The following LRRC3B variants were observed in gnomAD, a reference collection of about 807,000 sequenced individuals.
LRRC3B encodes leucine-rich repeat-containing protein 3B.
In LRRC3B, 2 loss-of-function variants were observed where a neutral mutation model predicts 12.8. The ratio of observed to expected loss-of-function variants is 0.16; its 90% CI spans 0.06 to 0.49. LRRC3B has a LOEUF of 0.49. Ranked by LOEUF, LRRC3B falls within the 20% of genes least tolerant of loss-of-function variation. The pLI is 0.96. For missense variants in LRRC3B, 189 were observed against 319.4 expected (o/e 0.59, Z 3.11); for synonymous variants, 132 against 122.0 (o/e 1.08, Z -0.54).
chr3:26,671,697 A>AAAT (rs1203452394), intron 1 of LRRC3B, among the ~76,000 whole-genome samples: 5 of 151,946 alleles, frequency 3.3e-5, no homozygotes, highest in African/African-American at 4.8e-5. Flanking sequence ...CTGGCCATAA[A>AAAT]AATAATTTTA....
At chr3:26,657,907 T>A (rs1188430690) in intron 1 of LRRC3B, among the ~76,000 whole-genome samples, 1 of 152,190 alleles carries the variant, frequency 6.6e-6, no homozygotes, top group Non-Finnish European at 1.5e-5. Flanking sequence ...CTTTTCAAAC[T>A]TTGATAAGTA....
In LRRC3B at chr3:26,657,836, A is replaced by G. The variant is rs945126164; in HGVS notation, c.-161+34599A>G. Among the ~76,000 whole-genome samples the G allele has an allele frequency of 5.3e-5, 8 of 152,108 alleles. No homozygotes were observed. The East Asian group carries it at 1.5e-3, about 29-fold the overall frequency. On this transcript the variant is annotated intron_variant, in intron 1 of 1. Coordinates refer to ENST00000396641, the Ensembl canonical transcript of LRRC3B. The stretch of plus-strand genomic sequence containing the variant: ...CGACGGGCATAGCCTGTTCTTCTAA[A>G]TGTGAAATGAGATGACTCACTCTTA...
chr3:26,677,406 C>G (rs1289817955), intron 1 of LRRC3B, among the ~76,000 whole-genome samples: 1 of 152,182 alleles, frequency 6.6e-6, no homozygotes, highest in African/African-American at 2.4e-5. Flanking sequence ...CAACCCCAGG[C>G]AGGAGGCAGG....
chr3:26,676,295 C>T (rs1336682014), intron 1 of LRRC3B, among the ~76,000 whole-genome samples: 1 of 141,742 alleles, frequency 7.1e-6, no homozygotes, highest in South Asian at 2.2e-4. Context: ...CATGTGTTCT[C>T]ATTGTTCAAT....
intron 1 of LRRC3B, among the ~76,000 whole-genome samples, chr3:26,672,249 A>T (rs1288702937): frequency 1.3e-5 from 2 of 152,226 alleles, no homozygotes; most frequent in African/African-American, 4.8e-5. Flanking sequence ...ATATCCTAGA[A>T]ATCACAGTCA....
rs540940857 is a variant in LRRC3B, at chr3:26,630,590, T to C, written c.-161+7353T>C. Among the ~76,000 whole-genome samples the C allele has an allele frequency of 9.8e-5, 15 of 152,316 alleles. 1 individual carries two copies. The South Asian group carries it at 3.1e-3, about 32-fold the overall frequency. On this transcript the variant is annotated intron_variant, in intron 1 of 1. Coordinates refer to ENST00000396641, the Ensembl canonical transcript of LRRC3B. ...TAACTGTGGCAGCTGTATTGTGATA[T>C]GAAAATATTTATATTGGTGACATAA...
chr3:26,641,374 G>A (rs565876043), intron 1 of LRRC3B, among the ~76,000 whole-genome samples: 1 of 152,302 alleles, frequency 6.6e-6, no homozygotes, highest in Non-Finnish European at 1.5e-5. Flanking sequence ...AACACTGCCA[G>A]TCAGGAGATT....
Position 26,702,844 on chromosome 3 carries a change from A to C in LRRC3B, c.-160-6669A>C, listed in dbSNP as rs991439583. Among the ~76,000 whole-genome samples, 6 of 152,270 alleles carry C rather than the reference A, an allele frequency of 3.9e-5. No homozygotes were observed. The South Asian group carries it at 8.3e-4, about 21-fold the overall frequency. On this transcript the variant is annotated intron_variant, in intron 1 of 1. Coordinates refer to ENST00000396641, the Ensembl canonical transcript of LRRC3B. ...CACGTAGAATGGAGAACAGAAAAAA[A>C]CTTCAAGAAATCGGGAGGGAAGACA...
chr3:26,686,018 C>T (rs576581246), intron 1 of LRRC3B, among the ~76,000 whole-genome samples: 16 of 152,110 alleles, frequency 1.1e-4, no homozygotes, highest in Middle Eastern at 3.4e-3. Context: ...TAGACTCGGC[C>T]GTGGTATAGG....
At chr3:26,658,896 A>G (rs1477162440) in intron 1 of LRRC3B, among the ~76,000 whole-genome samples, 5 of 152,240 alleles carry the variant, frequency 3.3e-5, no homozygotes, top group Admixed American at 6.5e-5. Flanking sequence ...ATTACCTGAA[A>G]AAAGGATTGT....
chr3:26,648,023 T>C (rs1384599701), intron 1 of LRRC3B, among the ~76,000 whole-genome samples: 1 of 152,062 alleles, frequency 6.6e-6, no homozygotes, highest in Non-Finnish European at 1.5e-5. Flanking sequence ...AGTGCCTTGA[T>C]GAAGGACAGA....
At chr3:26,704,262 TATC>T (rs1700529153) in intron 1 of LRRC3B, among the ~76,000 whole-genome samples, 1 of 152,208 alleles carries the variant, frequency 6.6e-6, no homozygotes, top group African/African-American at 2.4e-5. Context: ...GACATCTTTA[TATC>T]ATCAACAGCT....
In LRRC3B at chr3:26,692,211, C is replaced by T. The variant is rs1052276820; in HGVS notation, c.-160-17302C>T. The stretch of plus-strand genomic sequence containing the variant: ...CTACCAATAGAAGAAATAAGTACTG[C>T]GGTTACACTCGTTTTACAGGTGGAG... On this transcript the variant is annotated intron_variant, in intron 1 of 1. Transcript: ENST00000396641. Among the ~76,000 whole-genome samples, 88 of 152,228 alleles carry T rather than the reference C, an allele frequency of 5.8e-4. 1 individual carries two copies. The highest frequency in any genetic ancestry group is 5.1e-4 in the African/African-American group (21 of 41,522).
At chr3:26,646,603 A>T (rs1405560319) in intron 1 of LRRC3B, among the ~76,000 whole-genome samples, 1 of 56,936 alleles carries the variant, frequency 1.8e-5, no homozygotes, top group East Asian at 4.0e-4. Flanking sequence ...GGAGGTAAAA[A>T]AAAAAAAAAA....
intron 1 of LRRC3B, among the ~76,000 whole-genome samples, chr3:26,636,976 C>G (rs182315258): frequency 8.9e-6 from 1 of 112,136 alleles, no homozygotes; most frequent in African/African-American, 3.7e-5. Context: ...CTTTCTTTCT[C>G]TCTCTCTCTT....
At chr3:26,649,302 G>C (rs572699321) in intron 1 of LRRC3B, among the ~76,000 whole-genome samples, 1 of 152,282 alleles carries the variant, frequency 6.6e-6, no homozygotes, top group African/African-American at 2.4e-5. Flanking sequence ...GCCTCTACTG[G>C]TCTTAGTGGA....
At chr3:26,663,452 C>T (rs189621993) in intron 1 of LRRC3B, among the ~76,000 whole-genome samples, 1 of 152,154 alleles carries the variant, frequency 6.6e-6, no homozygotes, top group East Asian at 1.9e-4. Flanking sequence ...ATTCTATAAA[C>T]TCTCCATTTA....
chr3:26,679,987 G>A (rs1385524743), intron 1 of LRRC3B, among the ~76,000 whole-genome samples: 1 of 152,184 alleles, frequency 6.6e-6, no homozygotes, highest in Non-Finnish European at 1.5e-5. Context: ...GAGCTCACTT[G>A]CTTTTCTTCT....
At chr3:26,707,959 T>C (rs1470514852) in intron 1 of LRRC3B, among the ~76,000 whole-genome samples, 1 of 152,210 alleles carries the variant, frequency 6.6e-6, no homozygotes, top group African/African-American at 2.4e-5. Context: ...CGACTCAGTT[T>C]TCCAAAAGCA....
Sources: allele counts gnomAD v4.1 joint callset (sites outside exome capture counted in the v4.1 genomes callset), GRCh38; gene constraint gnomAD v4.1.1; transcripts MANE v1.5; gene names NCBI Gene and HGNC (gene_info 2026-07-23, HGNC 2026-07-21).